Variants in ST3GAL6 observed in about 807,000 individuals in gnomAD.
ST3GAL6 encodes the protein type 2 lactosamine alpha-2,3-sialyltransferase.
A neutral mutation model predicts 40.5 loss-of-function variants in ST3GAL6; 31 were observed. The observed-to-expected ratio is 0.77, with a 90% confidence interval of 0.58 to 1.03. The LOEUF (loss-of-function observed/expected upper bound fraction) is 1.03, where lower values mean the gene tolerates loss of function less well. Ranked by LOEUF, ST3GAL6 falls within the 50% of genes least tolerant of loss-of-function variation. The pLI, the probability that ST3GAL6 is intolerant of heterozygous loss-of-function variation, is 0.00. For missense variants in ST3GAL6, 357 were observed against 393.2 expected, an observed-to-expected ratio of 0.91 and a Z score of 0.78; for synonymous variants, 129 against 136.9, an observed-to-expected ratio of 0.94 and a Z score of 0.40.
intron 5 of ST3GAL6, chr3:98,782,399 A>G: frequency 1.5e-6 from 1 of 666,874 alleles, no homozygotes; most frequent in Non-Finnish European, 2.7e-6. Context: ...GAAAAAAGTC[A>G]AAAGGCTGTA....
intron 1 of ST3GAL6, among the ~76,000 whole-genome samples, chr3:98,766,385 A>G (rs1938324895): frequency 8.2e-6 from 1 of 122,368 alleles, no homozygotes; most frequent in South Asian, 2.5e-4. Flanking sequence ...TCCTTGTTGG[A>G]TCTTTGCATA....
At chr3:98,791,811 TAAA>T (rs1223435805) in intron 8 of ST3GAL6, 27 bp from the exon 9 acceptor site, 3 of 1,590,604 alleles carry the variant, frequency 1.9e-6, no homozygotes, top group East Asian at 4.5e-5. Flanking sequence ...TCCTTTTGCT[TAAA>T]AAAGTTTTTT....
intron 8 of ST3GAL6, among the ~76,000 whole-genome samples, chr3:98,790,998 C>T (rs1433758963): frequency 5.9e-5 from 9 of 151,650 alleles, no homozygotes; most frequent in Admixed American, 4.6e-4. Flanking sequence ...ATTTTTTTTT[C>T]TTTTCCTCAA....
Position 98,791,717 on chromosome 3 carries a change from T to C in ST3GAL6, c.757-124T>C, listed in dbSNP as rs1941221302. 9.5e-6 allele frequency: 8 copies of C among 844,092 alleles called. No homozygotes were observed. In the South Asian group the frequency reaches 1.4e-4, roughly 15 times the overall value. 52.3% of individuals were successfully genotyped at this position (844,092 alleles called of 1,614,324 possible). On this transcript the variant is annotated intron_variant, in intron 8 of 9. Transcript: ENST00000483910. The stretch of plus-strand genomic sequence containing the variant: ...GGGCTTGAGCCTTATAATGAGAGTT[T>C]AGTTATTTCTCTCCTTATTAAATGT...
chr3:98,791,246 G>C (rs1941181691), intron 8 of ST3GAL6, among the ~76,000 whole-genome samples: 1 of 152,146 alleles, frequency 6.6e-6, no homozygotes, highest in Non-Finnish European at 1.5e-5. Context: ...TAATGGTGCA[G>C]CTGAGATTGT....
At chr3:98,767,397 A>C (rs1049994971) in intron 1 of ST3GAL6, among the ~76,000 whole-genome samples, 1 of 152,274 alleles carries the variant, frequency 6.6e-6, no homozygotes, top group Non-Finnish European at 1.5e-5. Context: ...ATTAAAAAGA[A>C]GGCAATGCCA....
upstream of ST3GAL6, among the ~76,000 whole-genome samples, chr3:98,762,349 G>A (rs181357030): frequency 1.3e-5 from 2 of 152,290 alleles, no homozygotes; most frequent in Admixed American, 1.3e-4. Flanking sequence ...GCATAAATCA[G>A]ATTTTCTGTT....
chr3:98,740,586 T>C (rs1038134759), intron 1 of ST3GAL6, among the ~76,000 whole-genome samples: 4 of 152,192 alleles, frequency 2.6e-5, no homozygotes, highest in African/African-American at 7.2e-5. Flanking sequence ...TCATAACTTA[T>C]CACTGCATGA....
At chr3:98,787,103 A>G (rs954933494) in intron 6 of ST3GAL6, among the ~76,000 whole-genome samples, 2 of 152,094 alleles carry the variant, frequency 1.3e-5, no homozygotes, top group East Asian at 1.9e-4. Context: ...GGGTTTCTGC[A>G]TGGTGAGGTC....
chr3:98,733,428 A>G (rs1430534665), intron 1 of ST3GAL6: 9 of 1,002,686 alleles, frequency 9.0e-6, no homozygotes, highest in South Asian at 4.7e-5. Flanking sequence ...CTCCTCGTTC[A>G]CTATTGTTTT....
intron 1 of ST3GAL6, 86 bp from the exon 2 acceptor site, chr3:98,768,344 C>A: frequency 1.0e-6 from 1 of 970,836 alleles, no homozygotes; most frequent in Non-Finnish European, 1.6e-6. Flanking sequence ...ATATTTTTTC[C>A]AATAATGCTT....
intron 1 of ST3GAL6, chr3:98,733,710 C>A: frequency 1.6e-6 from 1 of 638,474 alleles, no homozygotes; most frequent in Non-Finnish European, 1.9e-6. Context: ...TTCTTGTGTG[C>A]TGTTATTTTG....
intron 5 of ST3GAL6, among the ~76,000 whole-genome samples, chr3:98,777,455 T>A (rs1224510829): frequency 6.6e-6 from 1 of 152,190 alleles, no homozygotes; most frequent in African/African-American, 2.4e-5. Flanking sequence ...GCAACCACTG[T>A]TTGCATCCCA....
In ST3GAL6 at chr3:98,773,975, G is replaced by A; in HGVS notation, c.327G>A (p.Glu109=). ...SKLQSCDLFD[E]FDNIPCKKCV... is the part of the protein sequence containing the mutation. ...TGCAGAGTTGTGATCTCTTTGATGA[G>A]TTTGACAAGTGAGTTTATTTCCTTG... The change falls in exon 5 of 10, where the codon GAG becomes GAA. Residue 109 remains glutamate (E), a synonymous_variant. Transcript: ENST00000483910. 1 of 1,612,402 alleles carries A rather than the reference G, an allele frequency of 6.2e-7. No individual in the cohort carries two copies. The highest frequency in any genetic ancestry group is 8.5e-7 in the Non-Finnish European group (1 of 1,178,822).
chr3:98,741,866 G>C (rs1445800645), intron 1 of ST3GAL6, among the ~76,000 whole-genome samples: 2 of 152,178 alleles, frequency 1.3e-5, no homozygotes. Context: ...AATAACTTGA[G>C]TGAAGGATAG....
intron 1 of ST3GAL6, among the ~76,000 whole-genome samples, chr3:98,768,008 T>C (rs971217704): frequency 6.6e-6 from 1 of 152,194 alleles, no homozygotes; most frequent in East Asian, 1.9e-4. Context: ...ACTGAAGAAA[T>C]GAAATATTCA....
intron 1 of ST3GAL6, among the ~76,000 whole-genome samples, chr3:98,743,194 A>C (rs745440428): frequency 6.7e-6 from 1 of 149,118 alleles, no homozygotes; most frequent in Admixed American, 6.7e-5. Flanking sequence ...GTGTGTGTGT[A>C]TTTTTCCTGG....
At chr3:98,756,321 G>T in intron 1 of ST3GAL6, 3 of 1,275,002 alleles carry the variant, frequency 2.4e-6, no homozygotes, top group Non-Finnish European at 3.1e-6. Flanking sequence ...TTTTTCTGGG[G>T]CAGCTGAACC....
intron 2 of ST3GAL6, 106 bp from the exon 3 acceptor site, chr3:98,770,773 C>T (rs542303675): frequency 2.1e-6 from 2 of 951,776 alleles, no homozygotes; most frequent in East Asian, 2.4e-5. Flanking sequence ...TGTTTGCTGC[C>T]ACAGAACCTC....
Sources: gnomAD v4.1 joint callset for allele counts (sites outside exome capture counted in the v4.1 genomes callset) on GRCh38, gnomAD v4.1.1 for gene constraint, MANE v1.5 for transcripts, NCBI Gene and HGNC (gene_info 2026-07-23, HGNC 2026-07-21) for gene names.